GALNTL6: variants seen among roughly 807,000 people sequenced by gnomAD.
The protein encoded by GALNTL6 is polypeptide N-acetylgalactosaminyltransferase like 6.
A neutral mutation model predicts 73.7 loss-of-function variants in GALNTL6; 46 were observed. That is an observed-to-expected ratio of 0.62 (90% CI 0.49 to 0.80). GALNTL6 has a LOEUF of 0.80. Among genes scored for constraint, GALNTL6 ranks in the 30% least tolerant of loss-of-function variants. The pLI is 0.00. For synonymous variants in GALNTL6, 259 were observed against 263.7 expected (o/e 0.98, Z 0.17); for missense variants, 604 against 755.0 (o/e 0.80, Z 2.34).
At chr4:172,524,497 T>A (rs1180065023) in intron 5 of GALNTL6, among the ~76,000 whole-genome samples, 1 of 152,198 alleles carries the variant, frequency 6.6e-6, no homozygotes, top group Non-Finnish European at 1.5e-5. Flanking sequence ...TTCTCATTAC[T>A]GCATAGCATT....
intron 2 of GALNTL6, among the ~76,000 whole-genome samples, chr4:171,858,721 G>T (rs1031069261): frequency 3.3e-5 from 5 of 151,926 alleles, no homozygotes; most frequent in Non-Finnish European, 5.9e-5. Context: ...TCTTAAATCA[G>T]GAACTTGCAG....
At chr4:172,307,688 G>T (rs1161163168) in intron 3 of GALNTL6, among the ~76,000 whole-genome samples, 2 of 152,012 alleles carry the variant, frequency 1.3e-5, no homozygotes, top group African/African-American at 4.8e-5. Context: ...TTATTTCTGG[G>T]CTCTCAATTC....
chr4:171,939,160 G>A (rs547228143), intron 2 of GALNTL6, among the ~76,000 whole-genome samples: 1 of 151,764 alleles, frequency 6.6e-6, no homozygotes, highest in South Asian at 2.1e-4. Flanking sequence ...GGGGTAGCTA[G>A]TGGATTTGCT....
In GALNTL6 at chr4:172,377,834, G is replaced by A. The variant is rs567293235; in HGVS notation, c.553+29145G>A. Among the ~76,000 whole-genome samples, 31 of 152,216 alleles carry A rather than the reference G, an allele frequency of 2.0e-4. 1 individual carries two copies. The highest frequency in any genetic ancestry group is 8.3e-4 in the South Asian group (4 of 4,824). ...TGCACAGGCTGGCCGCTCTGAGTGC[G>A]GGGCCTGCTGAGCCCACACCCACCC... On this transcript the variant is annotated intron_variant, in intron 5 of 12. Transcript: ENST00000506823.
intron 5 of GALNTL6, among the ~76,000 whole-genome samples, chr4:172,745,550 T>C (rs924718379): frequency 1.3e-5 from 2 of 151,978 alleles, no homozygotes; most frequent in Non-Finnish European, 2.9e-5. Context: ...GGTAAACTAC[T>C]GTGGCAGGAG....
rs527764521 is a variant in GALNTL6 at position 172,282,576 on chromosome 4, C to G, written c.248-29038C>G. Among the ~76,000 whole-genome samples the G allele has an allele frequency of 4.7e-5, 7 of 150,020 alleles. No individual in the cohort carries two copies. The South Asian group carries it at 1.5e-3, about 32-fold the overall frequency. ...GTACAGACACCATGCTAAGCAAAAC[C>G]TTTTAGGATGTGGTAAATAAAATGC... On this transcript the variant is annotated intron_variant, in intron 3 of 12. Coordinates refer to ENST00000506823, the MANE Select transcript of GALNTL6 (RefSeq NM_001034845.3).
chr4:172,741,657 A>G (rs1333714791), intron 5 of GALNTL6, among the ~76,000 whole-genome samples: 3 of 151,926 alleles, frequency 2.0e-5, no homozygotes, highest in Non-Finnish European at 2.9e-5. Flanking sequence ...TATTTATTAT[A>G]TAGAAGAATA....
chr4:172,088,326 G>T (rs1732107965), intron 2 of GALNTL6, among the ~76,000 whole-genome samples: 1 of 152,130 alleles, frequency 6.6e-6, no homozygotes, highest in East Asian at 1.9e-4. Flanking sequence ...GTGTAGGGGT[G>T]AAGGTTCACT....
chr4:172,111,662 A>G (rs1372723760), intron 2 of GALNTL6, among the ~76,000 whole-genome samples: 1 of 151,960 alleles, frequency 6.6e-6, no homozygotes, highest in African/African-American at 2.4e-5. Context: ...TTACAACTAC[A>G]GTGAGATACT....
At chr4:172,563,599 G>T (rs1736455592) in intron 5 of GALNTL6, among the ~76,000 whole-genome samples, 1 of 152,178 alleles carries the variant, frequency 6.6e-6, no homozygotes, top group Non-Finnish European at 1.5e-5. Context: ...ACACCAGAAA[G>T]CTAGCACTGA....
intron 2 of GALNTL6, among the ~76,000 whole-genome samples, chr4:171,978,408 A>T (rs2111075736): frequency 6.6e-6 from 1 of 152,218 alleles, no homozygotes; most frequent in South Asian, 2.1e-4. Flanking sequence ...GCAGGCAGGA[A>T]TCAGAAAAGG....
At chr4:172,287,377 C>T (rs1050258713) in intron 3 of GALNTL6, among the ~76,000 whole-genome samples, 1 of 152,184 alleles carries the variant, frequency 6.6e-6, no homozygotes, top group African/African-American at 2.4e-5. Context: ...CAAAACTTCT[C>T]ATTTGATCCT....
chr4:173,029,648 C>A (rs1753376639), intron 12 of GALNTL6, among the ~76,000 whole-genome samples: 1 of 152,194 alleles, frequency 6.6e-6, no homozygotes, highest in Admixed American at 6.5e-5. Flanking sequence ...CACTCAGCTT[C>A]TTAATGAGCT....
At chr4:172,762,593 A>C (rs1738174051) in intron 5 of GALNTL6, among the ~76,000 whole-genome samples, 1 of 152,096 alleles carries the variant, frequency 6.6e-6, no homozygotes, top group Non-Finnish European at 1.5e-5. Context: ...AGTTTATTTA[A>C]ATTATAGAAT....
chr4:173,037,122 C>A (rs927076574), intron 12 of GALNTL6, among the ~76,000 whole-genome samples: 1 of 152,238 alleles, frequency 6.6e-6, no homozygotes, highest in African/African-American at 2.4e-5. Flanking sequence ...TGAGAAGCTT[C>A]ACCTCCGGGA....
At chr4:172,403,707 T>A (rs549120082) in intron 5 of GALNTL6, among the ~76,000 whole-genome samples, 1 of 152,102 alleles carries the variant, frequency 6.6e-6, no homozygotes, top group East Asian at 1.9e-4. Flanking sequence ...TTAAGTTGCA[T>A]GTATTCAAAG....
intron 5 of GALNTL6, among the ~76,000 whole-genome samples, chr4:172,692,421 C>T (rs976115899): frequency 6.6e-6 from 1 of 152,046 alleles, no homozygotes; most frequent in African/African-American, 2.4e-5. Context: ...TAACAAATAA[C>T]TTTCCATAAA....
intron 3 of GALNTL6, among the ~76,000 whole-genome samples, chr4:172,273,873 G>A (rs912365761): frequency 6.6e-6 from 1 of 152,104 alleles, no homozygotes; most frequent in African/African-American, 2.4e-5. Flanking sequence ...TCAGCTGATG[G>A]CACCCAATTT....
At chr4:172,029,984 A>G (rs1255023580) in intron 2 of GALNTL6, among the ~76,000 whole-genome samples, 1 of 152,132 alleles carries the variant, frequency 6.6e-6, no homozygotes, top group Non-Finnish European at 1.5e-5. Flanking sequence ...TGTGTATGCT[A>G]TGTTTATGTG....
Sources: allele counts gnomAD v4.1 joint callset (sites outside exome capture counted in the v4.1 genomes callset), GRCh38; gene constraint gnomAD v4.1.1; transcripts MANE v1.5; gene names NCBI Gene and HGNC (gene_info 2026-07-23, HGNC 2026-07-21).